KMT2E: variants seen among roughly 807,000 people sequenced by gnomAD.
KMT2E encodes the protein histone reader KMT2E.
Under a neutral mutation model 184.6 loss-of-function variants are expected in KMT2E, and 30 were observed. The observed-to-expected ratio is 0.16, with a 90% CI of 0.12 to 0.22. The LOEUF (loss-of-function observed/expected upper bound fraction) is 0.22. Ranked by LOEUF, KMT2E falls within the 10% of genes least tolerant of loss-of-function variation. KMT2E has a pLI of 1.00. For synonymous variants in KMT2E, 815 were observed against 776.5 expected (o/e 1.05, Z -0.82); for missense variants, 2,023 against 2,237.4 (o/e 0.90, Z 1.93).
intron 3 of KMT2E, among the ~76,000 whole-genome samples, chr7:105,056,604 C>T (rs1796578702): frequency 6.6e-6 from 1 of 152,144 alleles, no homozygotes; most frequent in Non-Finnish European, 1.5e-5. Flanking sequence ...TCTCCTCTAG[C>T]AAAATTAGTG....
chr7:105,061,558 A>G (rs1222058494), intron 3 of KMT2E, among the ~76,000 whole-genome samples: 3 of 152,216 alleles, frequency 2.0e-5, no homozygotes, highest in Admixed American at 2.0e-4. Flanking sequence ...TAAGTCAACA[A>G]CAGTGGGCAA....
intron 1 of KMT2E, among the ~76,000 whole-genome samples, chr7:105,029,094 G>A (rs1349645883): frequency 4.6e-5 from 7 of 151,968 alleles, no homozygotes; most frequent in East Asian, 1.9e-4. Flanking sequence ...GGGAAACCCC[G>A]TCTCTACTAA....
At chr7:105,078,659 T>A (rs1176243787) in intron 11 of KMT2E, among the ~76,000 whole-genome samples, 187 bp from the exon 12 acceptor site, 7 of 8,092 alleles carry the variant, frequency 8.7e-4, no homozygotes, top group Admixed American at 2.2e-3. Context: ...TGCCTGGCCT[T>A]TTTTTTTTTT....
At position 105,112,087 on chromosome 7, in the gene KMT2E, C is replaced by T; in HGVS notation, c.4331C>T (p.Ser1444Leu). ...CCAACAAAGTTGCACTGTCCTCCAT[C>T]ACCTCACCTAGAAAATCCTCCAAAG... The part of the protein sequence containing the change: ...SVPTKLHCPP[S>L]PHLENPPKSS... The change falls in exon 27 of 27, where the codon TCA (serine) becomes TTA (leucine). Residue 1444 changes from serine to leucine, a missense_variant. Ser to Leu is a moderately radical substitution (Grantham distance 145). Transcript: ENST00000311117. The T allele has an allele frequency of 1.2e-6, 2 of 1,614,168 alleles. No individual in the cohort carries two copies. Among genetic ancestry groups the T allele is most frequent in the African/African-American group, 1.3e-5 (1 of 75,028 alleles).
intron 5 of KMT2E, among the ~76,000 whole-genome samples, chr7:105,065,048 G>A (rs1488983951): frequency 6.6e-6 from 1 of 152,128 alleles, no homozygotes; most frequent in Admixed American, 6.5e-5. Flanking sequence ...TGAAGGACCA[G>A]TTCACAGTTT....
chr7:105,067,509 T>C lies in KMT2E; in HGVS notation c.497+702T>C, dbSNP rs183162943. Among the ~76,000 whole-genome samples, 49 of 152,314 alleles carry C rather than the reference T, an allele frequency of 3.2e-4. No individual in the cohort carries two copies. The East Asian group carries it at 7.3e-3, about 23-fold the overall frequency. On this transcript the variant is annotated intron_variant, in intron 6 of 26. Coordinates refer to ENST00000311117, the MANE Select transcript of KMT2E (RefSeq NM_182931.3). The stretch of plus-strand genomic sequence containing the variant: ...ATTTCCACCACCCTACCTCAGTAAT[T>C]ATCGACATTCTTGTCCCATCTATAC...
chr7:105,097,889 T>C (rs1798480649), intron 15 of KMT2E, among the ~76,000 whole-genome samples: 1 of 152,118 alleles, frequency 6.6e-6, no homozygotes, highest in Non-Finnish European at 1.5e-5. Context: ...ATTTGAGATA[T>C]CGGATGAGCA....
intron 13 of KMT2E, among the ~76,000 whole-genome samples, chr7:105,087,568 C>T (rs1313060405): frequency 6.6e-6 from 1 of 151,380 alleles, no homozygotes; most frequent in Non-Finnish European, 1.5e-5. Context: ...GGACTGCAGG[C>T]GCACACTGCC....
chr7:105,093,762 C>T (rs1032774905), intron 15 of KMT2E, among the ~76,000 whole-genome samples: 8 of 152,110 alleles, frequency 5.3e-5, no homozygotes, highest in African/African-American at 1.9e-4. Flanking sequence ...GGCTTACTTA[C>T]TTGGAATCCA....
At chr7:105,054,283 A>G (rs578170289) in intron 3 of KMT2E, among the ~76,000 whole-genome samples, 1 of 152,100 alleles carries the variant, frequency 6.6e-6, no homozygotes, top group African/African-American at 2.4e-5. Flanking sequence ...TTATTTTCAC[A>G]GGTCATTGTA....
chr7:105,091,830 A>C (rs1310817496), intron 15 of KMT2E, among the ~76,000 whole-genome samples: 2 of 152,192 alleles, frequency 1.3e-5, no homozygotes, highest in African/African-American at 4.8e-5. Context: ...TACTATTTAC[A>C]AATCTTTTAT....
chr7:105,050,654 CTTTCTTTCTTT>C (rs1240279896), intron 3 of KMT2E, among the ~76,000 whole-genome samples: 1 of 146,796 alleles, frequency 6.8e-6, no homozygotes, highest in African/African-American at 2.5e-5. Flanking sequence ...TTTTTTCTTT[CTTTCTTTCTTT>C]TTTCTTTCTT....
chr7:105,090,276 A>G lies in KMT2E; in HGVS notation c.1623+3A>G. ...GACTATCAGTATCAAATAATCAGGT[A>G]CTGAACTCTGCTCTCAATGAAATTG... On this transcript the variant is annotated splice_donor_region_variant and intron_variant, in intron 14 of 26. Coordinates refer to ENST00000311117, the MANE Select transcript of KMT2E (RefSeq NM_182931.3). The G allele has an allele frequency of 2.5e-6, 4 of 1,578,970 alleles. No homozygotes were observed. Among genetic ancestry groups the G allele is most frequent in the Non-Finnish European group, 3.4e-6 (4 of 1,169,228 alleles).
chr7:105,100,418 T>C (rs1190266339), intron 15 of KMT2E, among the ~76,000 whole-genome samples: 1 of 152,174 alleles, frequency 6.6e-6, no homozygotes, highest in East Asian at 1.9e-4. Flanking sequence ...TCTTTCTTCC[T>C]CACATCGATG....
chr7:105,089,882 A>C, intron 13 of KMT2E, 127 bp from the exon 14 acceptor site: 1 of 1,360,314 alleles, frequency 7.4e-7, no homozygotes, highest in Non-Finnish European at 9.9e-7. Context: ...GTAAATTACT[A>C]AAAAGGATTG....
chr7:105,040,225 T>G (rs1795821731), intron 2 of KMT2E, among the ~76,000 whole-genome samples: 1 of 152,200 alleles, frequency 6.6e-6, no homozygotes, highest in Non-Finnish European at 1.5e-5. Flanking sequence ...CAGATCCTGG[T>G]TTCATCTCTT....
At chr7:105,052,911 G>C (rs1174604412) in intron 3 of KMT2E, among the ~76,000 whole-genome samples, 1 of 151,890 alleles carries the variant, frequency 6.6e-6, no homozygotes, top group Non-Finnish European at 1.5e-5. Flanking sequence ...AGTTAACCCT[G>C]AAGTTTATTA....
chr7:105,032,366 C>T (rs1042814888), intron 1 of KMT2E, among the ~76,000 whole-genome samples: 1 of 152,076 alleles, frequency 6.6e-6, no homozygotes, highest in Non-Finnish European at 1.5e-5. Context: ...ATCGCTTGAA[C>T]CTGGGAGGTG....
At position 105,101,940 on chromosome 7, in the gene KMT2E, A is replaced by G. The variant is rs1486941185; in HGVS notation, c.1942A>G (p.Thr648Ala). The change falls in exon 17 of 27, where the codon ACT (threonine) becomes GCT (alanine). Residue 648 changes from threonine (T) to alanine (A), a missense_variant. By Grantham distance (58) the Thr-to-Ala change is moderately conservative. Coordinates refer to ENST00000311117, the MANE Select transcript of KMT2E (RefSeq NM_182931.3). ...GCCAACCCCTGCCAAAGTAAATAGA[A>G]CTAAACAGAGAAAAAGTTTTTCTCG... ...SKPTPAKVNR[T>A]KQRKSFSRSR... 21 of 1,613,914 alleles carry G rather than the reference A, an allele frequency of 1.3e-5. No homozygotes were observed. The highest frequency in any genetic ancestry group is 2.2e-5 in the East Asian group (1 of 44,848).
Sources: allele counts gnomAD v4.1 joint callset (sites outside exome capture counted in the v4.1 genomes callset), GRCh38; gene constraint gnomAD v4.1.1; transcripts MANE v1.5; gene names NCBI Gene and HGNC (gene_info 2026-07-23, HGNC 2026-07-21).